The following FAM135B variants were observed in gnomAD, a reference collection of about 807,000 sequenced individuals.
The protein encoded by FAM135B is protein FAM135B.
In FAM135B, 43 loss-of-function variants were observed where a neutral mutation model predicts 127.7. That is an observed-to-expected ratio of 0.34 (90% CI 0.26 to 0.43). FAM135B has a LOEUF of 0.43. FAM135B is among the 20% of genes least tolerant of loss of function. The probability of loss-of-function intolerance (pLI) is 1.00; values close to 1 mark genes in which losing one functional copy is unlikely to be tolerated. For missense variants in FAM135B, 1,558 were observed against 1,725.6 expected, an observed-to-expected ratio of 0.90 and a Z score of 1.72; for synonymous variants, 670 against 665.1, an observed-to-expected ratio of 1.01 and a Z score of -0.11.
intron 7 of FAM135B, among the ~76,000 whole-genome samples, chr8:138,214,484 G>A (rs1406553279): frequency 6.6e-6 from 1 of 152,170 alleles, no homozygotes; most frequent in Non-Finnish European, 1.5e-5. Context: ...TTTAGCATGT[G>A]AGGGAGCACA....
chr8:138,356,286 G>GAAAA (rs111769204), intron 2 of FAM135B, among the ~76,000 whole-genome samples: 148,969 of 151,616 alleles, frequency 0.98, 73,234 homozygotes, highest in South Asian at 1. Flanking sequence ...GAGAGAGAAA[G>GAAAA]AGAGAGCCAG....
At chr8:138,320,786 A>C (rs1827399052) in intron 2 of FAM135B, among the ~76,000 whole-genome samples, 1 of 152,220 alleles carries the variant, frequency 6.6e-6, no homozygotes, top group Non-Finnish European at 1.5e-5. Context: ...GGAATGAATA[A>C]GTGAAAATTC....
intron 2 of FAM135B, among the ~76,000 whole-genome samples, chr8:138,327,466 A>G (rs1450624800): frequency 6.6e-6 from 1 of 152,234 alleles, no homozygotes; most frequent in Non-Finnish European, 1.5e-5. Context: ...CAAGTCATAC[A>G]TAATGGCTAC....
chr8:138,319,018 G>C lies in FAM135B; in HGVS notation c.78-8098C>G, dbSNP rs111411862. The stretch of plus-strand genomic sequence containing the variant: ...TACTTACTATGATTTCTGTCTTAAA[G>C]ATGGGAAAATTAACATTTAGTGATA... On this transcript the variant is annotated intron_variant, in intron 2 of 19. Transcript: ENST00000395297. Among the ~76,000 whole-genome samples the C allele has an allele frequency of 1.7e-3, 260 of 152,284 alleles. 1 individual carries two copies. The highest frequency in any genetic ancestry group is 5.6e-3 in the African/African-American group (232 of 41,566).
intron 2 of FAM135B, among the ~76,000 whole-genome samples, chr8:138,330,920 T>A (rs1400453584): frequency 6.6e-6 from 1 of 151,918 alleles, no homozygotes; most frequent in Admixed American, 6.6e-5. Context: ...TCAGCTCACT[T>A]CAATCTCCGC....
intron 2 of FAM135B, among the ~76,000 whole-genome samples, chr8:138,365,512 T>A (rs1830681602): frequency 6.6e-6 from 1 of 152,208 alleles, no homozygotes; most frequent in South Asian, 2.1e-4. Flanking sequence ...AAATAGTTTT[T>A]AAAATATAAC....
At chr8:138,195,432 G>T in intron 8 of FAM135B, 125 bp from the exon 9 acceptor site, 1 of 858,286 alleles carries the variant, frequency 1.2e-6, no homozygotes, top group Non-Finnish European at 1.9e-6. Flanking sequence ...ACATTGCTGA[G>T]GACCTTCTAC....
intron 1 of FAM135B, among the ~76,000 whole-genome samples, chr8:138,386,249 C>A (rs1262131854): frequency 6.6e-6 from 1 of 151,552 alleles, no homozygotes; most frequent in East Asian, 1.9e-4. Flanking sequence ...AAACAAAAAC[C>A]AACAAACAAA....
chr8:138,227,004 AG>A (rs1428741273), intron 7 of FAM135B, among the ~76,000 whole-genome samples: 5 of 152,252 alleles, frequency 3.3e-5, no homozygotes, highest in African/African-American at 1.2e-4. Context: ...GCCCTAACTC[AG>A]GGCTTTCTAT....
intron 9 of FAM135B, among the ~76,000 whole-genome samples, chr8:138,180,490 A>G (rs1479830868): frequency 6.6e-6 from 1 of 152,140 alleles, no homozygotes; most frequent in Admixed American, 6.6e-5. Flanking sequence ...GAGTATGCAA[A>G]ACAAATTACT....
At chr8:138,450,851 GCTGTCTGTGTC>G (rs1233027656) in intron 1 of FAM135B, 4 of 152,164 alleles carry the variant, frequency 2.6e-5, no homozygotes, top group African/African-American at 9.7e-5. Context: ...TTTATTGAGT[GCTGTCTGTGTC>G]CTAGACACTG....
intron 1 of FAM135B, among the ~76,000 whole-genome samples, chr8:138,417,380 C>A (rs997244782): frequency 6.6e-6 from 1 of 152,196 alleles, no homozygotes; most frequent in Non-Finnish European, 1.5e-5. Context: ...TAGGCAGGCC[C>A]TCACCACCAG....
At chr8:138,385,479 G>A (rs1052063700) in intron 1 of FAM135B, among the ~76,000 whole-genome samples, 9 of 152,252 alleles carry the variant, frequency 5.9e-5, no homozygotes, top group African/African-American at 2.2e-4. Flanking sequence ...TAAAGAAATC[G>A]TAGGATTTAG....
chr8:138,300,878 G>A (rs1289907054), intron 3 of FAM135B, among the ~76,000 whole-genome samples: 2 of 151,036 alleles, frequency 1.3e-5, no homozygotes. Context: ...AGTCTCCCGA[G>A]TAGCTGGGAC....
chr8:138,476,958 T>A (rs1229077282), intron 1 of FAM135B, among the ~76,000 whole-genome samples: 2 of 152,228 alleles, frequency 1.3e-5, no homozygotes, highest in Non-Finnish European at 2.9e-5. Flanking sequence ...ATAGTTAGCA[T>A]GAGAGAAGAA....
chr8:138,199,067 T>A (rs1364625949), intron 7 of FAM135B, among the ~76,000 whole-genome samples: 1 of 152,172 alleles, frequency 6.6e-6, no homozygotes, highest in Admixed American at 6.5e-5. Context: ...TGACTGGAGA[T>A]CCTTCTGCCT....
chr8:138,355,234 A>G (rs978757572), intron 2 of FAM135B, among the ~76,000 whole-genome samples: 11 of 152,206 alleles, frequency 7.2e-5, no homozygotes, highest in African/African-American at 2.7e-4. Context: ...CACCCAAAGG[A>G]ATATAAATCA....
In FAM135B at chr8:138,299,082, A is replaced by C. The variant is rs968356963; in HGVS notation, c.157+11759T>G. On this transcript the variant is annotated intron_variant, in intron 3 of 19. Transcript: ENST00000395297. ...CTCAAAATAAATAAATAAATAAATA[A>C]ATAAATAAATAAATAAATAAATAAA... 2.0e-3 allele frequency among the ~76,000 whole-genome samples: 300 copies of C among 148,638 alleles called. 1 individual carries two copies. The highest frequency in any genetic ancestry group is 6.4e-3 in the African/African-American group (263 of 40,936).
intron 1 of FAM135B, among the ~76,000 whole-genome samples, chr8:138,392,683 G>A (rs1314959927): frequency 6.6e-6 from 1 of 152,150 alleles, no homozygotes; most frequent in African/African-American, 2.4e-5. Flanking sequence ...GTAACTTAGT[G>A]TCTTCTGAGC....
Sources: allele counts gnomAD v4.1 joint callset (sites outside exome capture counted in the v4.1 genomes callset), GRCh38; gene constraint gnomAD v4.1.1; transcripts MANE v1.5; gene names NCBI Gene and HGNC (gene_info 2026-07-23, HGNC 2026-07-21).